The following RNLS variants were observed in gnomAD, a reference collection of about 807,000 sequenced individuals.
RNLS encodes renalase, FAD dependent amine oxidase, also known as renalase.
RNLS carries 39 observed loss-of-function variants against 39.8 expected under a neutral mutation model. The observed-to-expected ratio is 0.98, with a 90% CI of 0.76 to 1.28. The LOEUF (loss-of-function observed/expected upper bound fraction) is 1.28, where lower values mean the gene tolerates loss of function less well. RNLS is among the 50% of genes most tolerant of loss of function. The probability of loss-of-function intolerance (pLI) is 0.00; values close to 1 mark genes in which losing one functional copy is unlikely to be tolerated. For synonymous variants in RNLS, 147 were observed against 150.7 expected (o/e 0.98, Z 0.18); for missense variants, 410 against 413.3 (o/e 0.99, Z 0.07).
At chr10:88,181,779 A>G in the RNLS span, among the ~76,000 whole-genome samples, 2 of 152,090 alleles carry the variant, frequency 1.3e-5, no homozygotes, top group Non-Finnish European at 2.9e-5. Context: ...TCTTTCAGCT[A>G]TTGGTTCTAG....
At chr10:88,206,328 G>C in the RNLS span, among the ~76,000 whole-genome samples, 1 of 152,040 alleles carries the variant, frequency 6.6e-6, no homozygotes, top group South Asian at 2.1e-4. Flanking sequence ...TGGATTTCCA[G>C]AACAATGCCA....
intron 6 of RNLS, among the ~76,000 whole-genome samples, chr10:88,312,316 G>T (rs1845439957): frequency 6.6e-6 from 1 of 152,144 alleles, no homozygotes; most frequent in Non-Finnish European, 1.5e-5. Flanking sequence ...TCAAGCTGAG[G>T]AATGTGGGCA....
At position 88,583,075 on chromosome 10, in the gene RNLS, G is replaced by C; in HGVS notation, c.116C>G (p.Ser39Ter). The change falls in exon 1 of 7, where the codon TCA becomes TGA. Residue 39 changes from serine (S) to a stop codon, truncating the protein, a stop_gained and splice_region_variant. Coordinates refer to ENST00000331772, the MANE Select transcript of RNLS (RefSeq NM_001031709.3). LOFTEE classifies it high-confidence loss of function. ...GTTTTGGCGTTTAGACAACCCACCT[G>C]AGTCCTCAGCCTTGTCCCACACAGC... ...YLAVWDKAED[S>*]GGRMTTACSP... 6.2e-7 allele frequency: 1 copy of C among 1,611,310 alleles called. No homozygotes were observed. Among genetic ancestry groups the C allele is most frequent in the African/African-American group, 1.3e-5 (1 of 74,886 alleles).
At chr10:88,499,805 C>A (rs1048178552) in intron 4 of RNLS, among the ~76,000 whole-genome samples, 2 of 152,164 alleles carry the variant, frequency 1.3e-5, no homozygotes, top group Non-Finnish European at 2.9e-5. Context: ...TGTGCCCCAG[C>A]AGTGGGCCCC....
In RNLS at chr10:88,330,679, A is replaced by G. The variant is rs561984782; in HGVS notation, c.701-16038T>C. ...CCAATAAACTTGATCAAGTTGAAATATTTTTACATAAAATTGATTTCCTTA... is the reference window on the plus strand; with the variant it reads ...CCAATAAACTTGATCAAGTTGAAATGTTTTTACATAAAATTGATTTCCTTA... On this transcript the variant is annotated intron_variant, in intron 5 of 6. Coordinates refer to ENST00000331772, the MANE Select transcript of RNLS (RefSeq NM_001031709.3). Among the ~76,000 whole-genome samples, 48 of 152,140 alleles carry G rather than the reference A, an allele frequency of 3.2e-4. 1 individual carries two copies. The highest frequency in any genetic ancestry group is 2.2e-3 in the Admixed American group (34 of 15,264).
At chr10:88,346,817 T>A (rs560239902) in intron 5 of RNLS, among the ~76,000 whole-genome samples, 1 of 152,286 alleles carries the variant, frequency 6.6e-6, no homozygotes, top group South Asian at 2.1e-4. Flanking sequence ...GTCACATGTG[T>A]GATGGATTGT....
chr10:88,313,474 A>T (rs563613876), intron 6 of RNLS, among the ~76,000 whole-genome samples: 1 of 152,334 alleles, frequency 6.6e-6, no homozygotes, highest in East Asian at 1.9e-4. Flanking sequence ...TGACCATGAC[A>T]TGCTTAAGTA....
chr10:88,505,222 A>G (rs1359108908), intron 4 of RNLS, among the ~76,000 whole-genome samples: 1 of 152,032 alleles, frequency 6.6e-6, no homozygotes, highest in Admixed American at 6.6e-5. Flanking sequence ...GAAGTGCTTA[A>G]CAATAGCTAT....
At chr10:88,220,992 C>T in the RNLS span, among the ~76,000 whole-genome samples, 2 of 152,200 alleles carry the variant, frequency 1.3e-5, no homozygotes, top group Admixed American at 6.5e-5. Flanking sequence ...CTAATCCAGG[C>T]TCTTTCCACT....
chr10:88,285,041 T>A lies in RNLS; in HGVS notation c.*313A>T. 1.0e-6 allele frequency: 1 copy of A among 1,003,278 alleles called. No homozygotes were observed. The highest frequency in any genetic ancestry group is 1.2e-6 in the Non-Finnish European group (1 of 840,888). The allele number at this position is 1,003,278 out of a possible 1,614,324, so 62.1% of individuals were successfully genotyped here. A position where few individuals can be genotyped will look rare whatever the true frequency, so the allele number is the denominator to read the frequency against. ...AATCAAGTTTTTGGCACACAAACTGTTATTGTGATTTAATGTAATTTTTTT... is the reference window on the plus strand; with the variant it reads ...AATCAAGTTTTTGGCACACAAACTGATATTGTGATTTAATGTAATTTTTTT... On this transcript the variant is annotated 3_prime_UTR_variant, in exon 7 of 7. Coordinates refer to ENST00000331772, the MANE Select transcript of RNLS (RefSeq NM_001031709.3).
chr10:88,285,291 T>G lies in RNLS; in HGVS notation c.*63A>C. ...CTTAGCAAAATAGAAAACAAAATAA[T>G]CAATAACAGAAAATTGTGAAAATAA... On this transcript the variant is annotated 3_prime_UTR_variant, in exon 7 of 7. Coordinates refer to ENST00000331772, the MANE Select transcript of RNLS (RefSeq NM_001031709.3). 6.9e-7 allele frequency: 1 copy of G among 1,441,886 alleles called. No individual in the cohort carries two copies. The highest frequency in any genetic ancestry group is 9.2e-7 in the Non-Finnish European group (1 of 1,087,674). 89.3% of individuals were successfully genotyped at this position (1,441,886 alleles called of 1,614,324 possible). A position where few individuals can be genotyped will look rare whatever the true frequency, so the allele number is the denominator to read the frequency against.
intron 4 of RNLS, among the ~76,000 whole-genome samples, chr10:88,429,587 C>T (rs1855016809): frequency 6.6e-6 from 1 of 151,716 alleles, no homozygotes. Flanking sequence ...GAAATCTTCA[C>T]CTAATCCCAA....
the RNLS span, among the ~76,000 whole-genome samples, chr10:88,241,355 T>G: frequency 6.6e-6 from 1 of 152,186 alleles, no homozygotes; most frequent in Non-Finnish European, 1.5e-5. Flanking sequence ...TTATTTAATG[T>G]CAATTTCTTC....
intron 4 of RNLS, among the ~76,000 whole-genome samples, chr10:88,519,932 C>T (rs1295619768): frequency 6.6e-6 from 1 of 151,796 alleles, no homozygotes; most frequent in Non-Finnish European, 1.5e-5. Flanking sequence ...CTGCCTTTGC[C>T]AAACATTGTG....
At chr10:88,526,860 C>T (rs2209553) in intron 4 of RNLS, among the ~76,000 whole-genome samples, 37,068 of 151,640 alleles carry the variant, frequency 0.24, 5,422 homozygotes, top group East Asian at 0.46. Flanking sequence ...AGGAGGTTAG[C>T]AGTGGGAAAC....
the RNLS span, among the ~76,000 whole-genome samples, chr10:88,243,149 G>A: frequency 6.6e-6 from 1 of 152,206 alleles, no homozygotes; most frequent in Non-Finnish European, 1.5e-5. Flanking sequence ...CTCGCACAGT[G>A]CCAGGAACAT....
chr10:88,307,123 C>G (rs1344165406), intron 6 of RNLS, among the ~76,000 whole-genome samples: 1 of 152,168 alleles, frequency 6.6e-6, no homozygotes, highest in African/African-American at 2.4e-5. Flanking sequence ...ATTCAATACC[C>G]TTTCATGTGA....
rs534587543 is a variant in RNLS, at chr10:88,478,415, C to T, written c.526+94488G>A. On this transcript the variant is annotated intron_variant, in intron 4 of 6. Coordinates refer to ENST00000331772, the MANE Select transcript of RNLS (RefSeq NM_001031709.3). ...TATTTTATCACCTCAGGGCCAATTGCTAATTTTAACCAGATGGCTGGGTTT... is the reference window on the plus strand; with the variant it reads ...TATTTTATCACCTCAGGGCCAATTGTTAATTTTAACCAGATGGCTGGGTTT... Among the ~76,000 whole-genome samples the T allele has an allele frequency of 6.6e-4, 101 of 152,238 alleles. No homozygotes were observed. In the South Asian group the frequency reaches 7.0e-3, roughly 11 times the overall value.
At chr10:88,186,628 A>T in the RNLS span, among the ~76,000 whole-genome samples, 2 of 152,194 alleles carry the variant, frequency 1.3e-5, no homozygotes, top group South Asian at 4.1e-4. Context: ...AATTGAATGC[A>T]TATTTAAGTG....
Sources: gnomAD v4.1 joint callset for allele counts (sites outside exome capture counted in the v4.1 genomes callset) on GRCh38, gnomAD v4.1.1 for gene constraint, MANE v1.5 for transcripts, NCBI Gene and HGNC (gene_info 2026-07-23, HGNC 2026-07-21) for gene names.